BLTP2: variants seen among roughly 807,000 people sequenced by gnomAD.
BLTP2 encodes the protein U937-associated antigen.
the BLTP2 span, chr17:28,633,308 C>G: frequency 6.2e-7 from 1 of 1,613,926 alleles, no homozygotes; most frequent in Non-Finnish European, 8.5e-7. Context: ...ACGTTGATAT[C>G]CAAGTCACCC....
chr17:28,633,010 G>T, the BLTP2 span: 1 of 1,583,208 alleles, frequency 6.3e-7, no homozygotes. Flanking sequence ...GGCCCGGTAG[G>T]AGTCATGAAG....
At chr17:28,628,280 T>C in the BLTP2 span, 5 of 1,614,058 alleles carry the variant, frequency 3.1e-6, no homozygotes, top group South Asian at 2.2e-5. Flanking sequence ...GATGACCCCT[T>C]ATCAGGTTGT....
At chr17:28,621,623 T>C in the BLTP2 span, 159 of 691,370 alleles carry the variant, frequency 2.3e-4, 1 homozygote, top group African/African-American at 2.4e-3. Flanking sequence ...CTGCATGGAA[T>C]AGCTTGAACC....
the BLTP2 span, chr17:28,616,977 G>C: frequency 6.2e-7 from 1 of 1,613,512 alleles, no homozygotes; most frequent in Non-Finnish European, 8.5e-7. This position sits in a 1 kb window ranked among gnomAD's most constrained non-coding sequence, Gnocchi z 4.8. Context: ...AGACTGGCAG[G>C]AGCTCTGGGG....
the BLTP2 span, chr17:28,631,577 T>C: frequency 8.1e-6 from 13 of 1,613,942 alleles, no homozygotes; most frequent in African/African-American, 1.3e-5. Context: ...TGATCAGCAT[T>C]CTCTTCAGTG....
chr17:28,631,744 T>C, the BLTP2 span: 98 of 1,599,920 alleles, frequency 6.1e-5, no homozygotes, highest in East Asian at 1.6e-4. Flanking sequence ...AAGACAGAGA[T>C]GGAGGAGGGG....
the BLTP2 span, chr17:28,639,055 T>A: frequency 2.0e-6 from 1 of 508,494 alleles, no homozygotes; most frequent in Non-Finnish European, 3.5e-6. Context: ...TTCCTTATCA[T>A]TTAAGTTCAG....
At chr17:28,643,376 C>T in the BLTP2 span, 2 of 1,584,046 alleles carry the variant, frequency 1.3e-6, no homozygotes, top group East Asian at 4.5e-5. Flanking sequence ...ATTCCCCACC[C>T]TCACATTCAC....
chr17:28,616,068 T>C, the BLTP2 span: 3 of 1,558,054 alleles, frequency 1.9e-6, no homozygotes, highest in Non-Finnish European at 2.7e-6. The surrounding 1 kb of genome is among the most constrained non-coding windows in gnomAD (Gnocchi z 4.8). Context: ...TCCCACCCTG[T>C]TCTACAAAGT....
chr17:28,638,132 A>G, the BLTP2 span: 1 of 1,606,620 alleles, frequency 6.2e-7, no homozygotes, highest in South Asian at 1.1e-5. Context: ...AGAAGTATGC[A>G]GGCGCACAGT....
At chr17:28,622,030 G>C in the BLTP2 span, among the ~76,000 whole-genome samples, 1 of 152,156 alleles carries the variant, frequency 6.6e-6, no homozygotes. Flanking sequence ...GGAAAGGCCA[G>C]ATCAAAGTCC....
At chr17:28,620,424 G>C in the BLTP2 span, 1 of 1,497,718 alleles carries the variant, frequency 6.7e-7, no homozygotes, top group Non-Finnish European at 9.1e-7. Flanking sequence ...GTGAAGCATG[G>C]CTTTTGTTAC....
chr17:28,618,612 A>G, the BLTP2 span: 5 of 520,358 alleles, frequency 9.6e-6, no homozygotes, highest in Non-Finnish European at 1.7e-5. Context: ...ATAAACAGAT[A>G]TATCTAAGGA....
chr17:28,631,177 A>G, the BLTP2 span, among the ~76,000 whole-genome samples: 13 of 152,158 alleles, frequency 8.5e-5, no homozygotes, highest in Admixed American at 7.9e-4. Flanking sequence ...TGGGGCACTC[A>G]TGACAGAATT....
At chr17:28,615,706 G>A in the BLTP2 span, 1 of 1,614,194 alleles carries the variant, frequency 6.2e-7, no homozygotes, top group Non-Finnish European at 8.5e-7. Flanking sequence ...TGACAGCCAT[G>A]GCAAAGTCTA....
At chr17:28,642,089 G>A in the BLTP2 span, 7 of 1,612,646 alleles carry the variant, frequency 4.3e-6, no homozygotes, top group Non-Finnish European at 3.4e-6. Flanking sequence ...CTGTGGGGAT[G>A]ATAAGCCTCT....
chr17:28,644,927 C>T, the BLTP2 span: 8 of 1,435,840 alleles, frequency 5.6e-6, no homozygotes, highest in Non-Finnish European at 7.7e-6. Context: ...GTCTTTCTTC[C>T]TCCTCTCCGC....
At chr17:28,618,347 G>A in the BLTP2 span, among the ~76,000 whole-genome samples, 1 of 151,886 alleles carries the variant, frequency 6.6e-6, no homozygotes, top group African/African-American at 2.4e-5. Context: ...GAACTCCAGG[G>A]CTCAAGCAAT....
the BLTP2 span, chr17:28,619,510 A>T: frequency 1.0e-6 from 1 of 984,680 alleles, no homozygotes; most frequent in Non-Finnish European, 1.5e-6. Context: ...CCATTTTCTT[A>T]TTCAGGAAGA....
Sources: gnomAD v4.1 joint callset for allele counts (sites outside exome capture counted in the v4.1 genomes callset) on GRCh38, gnomAD v4.1.1 for gene constraint, Gnocchi (gnomAD v3.1) non-coding constraint, MANE v1.5 for transcripts, NCBI Gene and HGNC (gene_info 2026-07-23, HGNC 2026-07-21) for gene names.